TBCK: variants seen among roughly 807,000 people sequenced by gnomAD.
TBCK encodes the protein TBC1 domain containing kinase.
TBCK carries 99 observed loss-of-function variants against 113.4 expected under a neutral mutation model. That is an observed-to-expected ratio of 0.87 (90% CI 0.74 to 1.03). TBCK has a LOEUF of 1.03. Ranked by LOEUF, TBCK falls within the 50% of genes least tolerant of loss-of-function variation. The pLI is 0.00. For missense variants in TBCK, 1,045 were observed against 1,061.3 expected, an observed-to-expected ratio of 0.98 and a Z score of 0.21; for synonymous variants, 369 against 370.8, an observed-to-expected ratio of 1.00 and a Z score of 0.05.
At chr4:106,069,236 T>C (rs1056151914) in intron 25 of TBCK, among the ~76,000 whole-genome samples, 13 of 152,218 alleles carry the variant, frequency 8.5e-5, no homozygotes, top group African/African-American at 2.7e-4. Context: ...ATGTCCTGAA[T>C]GGTATTGCCC....
chr4:106,055,782 C>T (rs1396178810), intron 25 of TBCK, among the ~76,000 whole-genome samples: 1 of 151,282 alleles, frequency 6.6e-6, no homozygotes, highest in East Asian at 1.9e-4. Flanking sequence ...ATTAATATAT[C>T]TTTTAAGGGT....
chr4:106,088,688 CTG>C (rs1344121636), intron 25 of TBCK, among the ~76,000 whole-genome samples: 6 of 151,884 alleles, frequency 4.0e-5, no homozygotes, highest in Non-Finnish European at 7.4e-5. Flanking sequence ...CAATGATAGA[CTG>C]GATAAAGAAA....
intron 22 of TBCK, among the ~76,000 whole-genome samples, chr4:106,193,353 C>CTTAGGTATTGT (rs1753863443): frequency 6.6e-6 from 1 of 152,144 alleles, no homozygotes; most frequent in Non-Finnish European, 1.5e-5. Context: ...CCCCCAACTT[C>CTTAGGTATTGT]CTGGCATTTT....
upstream of TBCK, chr4:106,316,572 G>A (rs1768910978): frequency 6.4e-7 from 1 of 1,551,618 alleles, no homozygotes; most frequent in Non-Finnish European, 8.7e-7. Flanking sequence ...GGCTGTCTCG[G>A]AACCCGTGGT....
At chr4:106,192,372 G>C (rs117282263) in intron 22 of TBCK, among the ~76,000 whole-genome samples, 1 of 152,176 alleles carries the variant, frequency 6.6e-6, no homozygotes, top group African/African-American at 2.4e-5. Context: ...AGCTGGAAAT[G>C]ACAAGAAATC....
intron 23 of TBCK, among the ~76,000 whole-genome samples, chr4:106,161,313 C>T (rs766277090): frequency 6.6e-6 from 1 of 152,060 alleles, no homozygotes; most frequent in Non-Finnish European, 1.5e-5. Flanking sequence ...CCTATATAAA[C>T]TATATTAGAG....
intron 2 of TBCK, among the ~76,000 whole-genome samples, chr4:106,297,507 A>G (rs1766434990): frequency 6.6e-6 from 1 of 152,030 alleles, no homozygotes; most frequent in African/African-American, 2.4e-5. Flanking sequence ...ATCTCATTAG[A>G]TAACTACAAC....
chr4:106,147,815 G>A (rs1009163519), intron 23 of TBCK, among the ~76,000 whole-genome samples: 8 of 152,222 alleles, frequency 5.3e-5, no homozygotes, highest in Non-Finnish European at 1.0e-4. Flanking sequence ...GGAAACAAGA[G>A]AGATAACCTT....
At chr4:106,121,647 A>G (rs1744397728) in intron 23 of TBCK, among the ~76,000 whole-genome samples, 2 of 152,196 alleles carry the variant, frequency 1.3e-5, no homozygotes, top group Non-Finnish European at 2.9e-5. Context: ...CAGCAAATGT[A>G]AAAGAATAGA....
chr4:106,290,265 C>T (rs1042223718), intron 3 of TBCK, among the ~76,000 whole-genome samples: 6 of 152,126 alleles, frequency 3.9e-5, no homozygotes, highest in African/African-American at 1.4e-4. Flanking sequence ...GCAATCTCCG[C>T]CTCCCGGGTT....
chr4:106,308,436 C>T (rs958308570), intron 2 of TBCK, among the ~76,000 whole-genome samples: 2 of 151,926 alleles, frequency 1.3e-5, no homozygotes, highest in Admixed American at 6.5e-5. Flanking sequence ...ATCAAAAAAC[C>T]TCAAAGCAAC....
At chr4:106,276,184 C>T (rs577452727) in intron 3 of TBCK, among the ~76,000 whole-genome samples, 5 of 152,108 alleles carry the variant, frequency 3.3e-5, no homozygotes, top group South Asian at 2.1e-4. Context: ...TTCTTTTAAA[C>T]GATCAGAGGT....
intron 25 of TBCK, among the ~76,000 whole-genome samples, chr4:106,059,702 A>C (rs1045647518): frequency 1.3e-5 from 2 of 151,916 alleles, no homozygotes; most frequent in Admixed American, 6.6e-5. Context: ...TGTTCAAATG[A>C]AAGGAAGAGT....
At chr4:106,235,137 A>C in intron 15 of TBCK, 132 bp downstream of exon 15, 1 of 513,452 alleles carries the variant, frequency 1.9e-6, no homozygotes, top group Non-Finnish European at 3.2e-6. Flanking sequence ...TAAAATTGCC[A>C]AATATTCTAA....
intron 25 of TBCK, among the ~76,000 whole-genome samples, chr4:106,047,303 T>TCTACCTATC (rs1209620199): frequency 6.6e-6 from 1 of 152,200 alleles, no homozygotes; most frequent in Non-Finnish European, 1.5e-5. Flanking sequence ...TTAGCTAAAA[T>TCTACCTATC]CTACCTATCC....
intron 23 of TBCK, among the ~76,000 whole-genome samples, chr4:106,155,005 T>C (rs1748961311): frequency 6.6e-6 from 1 of 152,118 alleles, no homozygotes; most frequent in African/African-American, 2.4e-5. Flanking sequence ...GTCTTTTCTT[T>C]TTGTTTGAAG....
At chr4:106,242,929 T>C (rs886919162) in intron 11 of TBCK, among the ~76,000 whole-genome samples, 17 of 144,928 alleles carry the variant, frequency 1.2e-4, no homozygotes, top group Non-Finnish European at 2.4e-4. Context: ...GTTCTCACTG[T>C]TCAATTCTCA....
chr4:106,057,681 G>A (rs1735585625), intron 25 of TBCK, among the ~76,000 whole-genome samples: 1 of 151,662 alleles, frequency 6.6e-6, no homozygotes, highest in South Asian at 2.1e-4. Flanking sequence ...ATAGTTGAAG[G>A]TCTAGGTCTA....
At chr4:106,219,971 T>C (rs1757482403) in intron 19 of TBCK, among the ~76,000 whole-genome samples, 1 of 152,268 alleles carries the variant, frequency 6.6e-6, no homozygotes, top group South Asian at 2.1e-4. Context: ...TGCCTTGTTA[T>C]TTGTTAAATT....
Sources: allele counts gnomAD v4.1 joint callset (sites outside exome capture counted in the v4.1 genomes callset), GRCh38; gene constraint gnomAD v4.1.1; transcripts MANE v1.5; gene names NCBI Gene and HGNC (gene_info 2026-07-23, HGNC 2026-07-21).